PCDHA2: variants seen among roughly 807,000 people sequenced by gnomAD.
The protein encoded by PCDHA2 is protocadherin alpha-2.
A neutral mutation model predicts 66.0 loss-of-function variants in PCDHA2; 58 were observed. The observed-to-expected ratio is 0.88, with a 90% CI of 0.71 to 1.09. The LOEUF is 1.09. Ranked by LOEUF, PCDHA2 falls within the 50% of genes least tolerant of loss-of-function variation. The pLI is 0.00. For missense variants in PCDHA2, 1,267 were observed against 1,242.3 expected (o/e 1.02, Z -0.30); for synonymous variants, 634 against 554.0 (o/e 1.14, Z -2.03).
At chr5:140,819,582 A>G (rs2150104654) in intron 1 of PCDHA2, among the ~76,000 whole-genome samples, 14 of 152,284 alleles carry the variant, frequency 9.2e-5, no homozygotes, top group African/African-American at 2.9e-4. Context: ...AAGATTTTTT[A>G]AAATGTTCTT....
chr5:140,836,333 T>C (rs2150258058), intron 1 of PCDHA2: 3 of 1,613,682 alleles, frequency 1.9e-6, no homozygotes, highest in South Asian at 2.2e-5. Flanking sequence ...TTCTGGTGCT[T>C]GTGAAGGACC....
At chr5:140,803,157 C>A (rs781969076) in intron 1 of PCDHA2, 1 of 1,613,868 alleles carries the variant, frequency 6.2e-7, no homozygotes, top group Non-Finnish European at 8.5e-7. Context: ...GGTGAAGGAC[C>A]ACGGTGAACC....
chr5:140,846,514 A>G (rs1554141354), intron 1 of PCDHA2, among the ~76,000 whole-genome samples: 1 of 147,154 alleles, frequency 6.8e-6, no homozygotes, highest in African/African-American at 2.5e-5. Flanking sequence ...AGCTGGGATT[A>G]CAGGTGCATG....
At chr5:140,993,577 T>A (rs1215999612) in intron 3 of PCDHA2, among the ~76,000 whole-genome samples, 1 of 151,978 alleles carries the variant, frequency 6.6e-6, no homozygotes, top group African/African-American at 2.4e-5. Flanking sequence ...CTAGGGATGC[T>A]TTTCTTGGCT....
intron 1 of PCDHA2, chr5:140,875,462 C>T (rs1333440854): frequency 6.3e-7 from 1 of 1,598,882 alleles, no homozygotes; most frequent in Non-Finnish European, 8.5e-7. Flanking sequence ...CAGAGGCCCT[C>T]ATTTTCTGCA....
At chr5:140,834,306 T>G in intron 1 of PCDHA2, 1 of 1,335,582 alleles carries the variant, frequency 7.5e-7, no homozygotes, top group Non-Finnish European at 1.0e-6. Context: ...ACATCGAGAT[T>G]GAAATGAAGG....
At chr5:140,902,861 G>A (rs782302668) in intron 1 of PCDHA2, among the ~76,000 whole-genome samples, 21 of 152,088 alleles carry the variant, frequency 1.4e-4, no homozygotes, top group Admixed American at 5.2e-4. Context: ...TGGCGTCCAG[G>A]TCCACCCAAG....
At chr5:140,842,829 C>A (rs2150345601) in intron 1 of PCDHA2, 3 of 1,593,748 alleles carry the variant, frequency 1.9e-6, no homozygotes, top group Admixed American at 3.4e-5. Flanking sequence ...GGCGAGCGCT[C>A]GCTGTCGAGC....
In PCDHA2 at chr5:140,795,358, A is replaced by G. The variant is rs1554119393; in HGVS notation, c.394A>G (p.Ile132Val). 1.9e-6 allele frequency: 3 copies of G among 1,614,218 alleles called. No homozygotes were observed. In the East Asian group the frequency reaches 6.7e-5, roughly 36 times the overall value. ...EVKDINDNPP[I>V]FPMTVKTIRF... is the part of the protein sequence containing the mutation. ...GAAGGACATTAACGACAACCCGCCA[A>G]TATTTCCAATGACAGTAAAGACTAT... The change falls in exon 1 of 4, where the codon ATA becomes GTA. Residue 132 changes from isoleucine (I) to valine (V), a missense_variant. Transcript: ENST00000526136.
At chr5:140,921,353 A>G (rs943655623) in intron 1 of PCDHA2, among the ~76,000 whole-genome samples, 5 of 152,160 alleles carry the variant, frequency 3.3e-5, no homozygotes, top group Non-Finnish European at 5.9e-5. Flanking sequence ...ATATTTGCCT[A>G]TATTCAAGTT....
At chr5:140,800,760 A>G (rs1471793592) in intron 1 of PCDHA2, among the ~76,000 whole-genome samples, 5 of 152,260 alleles carry the variant, frequency 3.3e-5, no homozygotes, top group Non-Finnish European at 7.3e-5. Context: ...TCACATGGGA[A>G]ATATTTCCAA....
chr5:140,797,121 T>C lies in PCDHA2; in HGVS notation c.2157T>C (p.Thr719=). 6.2e-7 allele frequency: 1 copy of C among 1,614,020 alleles called. No homozygotes were observed. The highest frequency in any genetic ancestry group is 1.1e-5 in the South Asian group (1 of 91,088). ...TGGTGCTCACGGTGCTGCTGTACAC[T>C]GCGCTGCGGTGCTCGGTGCCACCCA... ...SLLVLTVLLY[T]ALRCSVPPTE... The change falls in exon 1 of 4, where the codon ACT becomes ACC. Residue 719 remains threonine, a synonymous_variant. Transcript: ENST00000526136.
At chr5:140,965,951 T>C (rs1484541931) in intron 1 of PCDHA2, among the ~76,000 whole-genome samples, 3 of 152,172 alleles carry the variant, frequency 2.0e-5, no homozygotes, top group East Asian at 1.9e-4. Flanking sequence ...GCATTTGCCA[T>C]CCCCCTCCTT....
At position 140,856,940 on chromosome 5, in the gene PCDHA2, AC is replaced by A. The variant is rs782681005; in HGVS notation, c.2388+59589del. ...AAGGAAATTTTGGATAAACGAAAGGACGGGAGAAATAAAAGTAAATGATGCT... is the reference window on the plus strand; with the variant it reads ...AAGGAAATTTTGGATAAACGAAAGGAGGGAGAAATAAAAGTAAATGATGCT... On this transcript the variant is annotated intron_variant, in intron 1 of 3. Transcript: ENST00000526136. The A allele has an allele frequency of 1.9e-5, 30 of 1,593,712 alleles. No individual in the cohort carries two copies. In the South Asian group the frequency reaches 3.3e-4, roughly 18 times the overall value.
intron 1 of PCDHA2, among the ~76,000 whole-genome samples, chr5:140,820,687 A>G (rs1312592028): frequency 6.6e-6 from 1 of 152,116 alleles, no homozygotes; most frequent in African/African-American, 2.4e-5. Context: ...GGTTAATAAA[A>G]TGATATTCTT....
rs2150111522 is a variant in PCDHA2, at chr5:140,821,876, T to C, written c.2388+24524T>C. 3 of 1,614,184 alleles carry C rather than the reference T, an allele frequency of 1.9e-6. No individual in the cohort carries two copies. In the African/African-American group the frequency reaches 4.0e-5, roughly 22 times the overall value. ...GGGAGCGGCCAGCTCCACTACTCGA[T>C]CCCGGAGGAAGCCAAACACGGAACC... On this transcript the variant is annotated intron_variant, in intron 1 of 3. Coordinates refer to ENST00000526136, the MANE Select transcript of PCDHA2 (RefSeq NM_018905.3).
chr5:140,898,147 C>T (rs2066556304), intron 1 of PCDHA2, among the ~76,000 whole-genome samples: 1 of 152,150 alleles, frequency 6.6e-6, no homozygotes, highest in African/African-American at 2.4e-5. Flanking sequence ...GTTGCCTGTT[C>T]ACGCTGATGG....
chr5:140,982,765 C>T (rs1345701735), intron 3 of PCDHA2, among the ~76,000 whole-genome samples: 2 of 151,722 alleles, frequency 1.3e-5, no homozygotes, highest in African/African-American at 2.4e-5. Flanking sequence ...AAAAGGATAA[C>T]AAGGAAAGTG....
intron 1 of PCDHA2, chr5:140,860,323 G>C (rs782283348): frequency 2.6e-5 from 4 of 152,078 alleles, no homozygotes; most frequent in Non-Finnish European, 5.9e-5. Flanking sequence ...TGAGGCTGCA[G>C]TGACCCATGA....
Sources: allele counts gnomAD v4.1 joint callset (sites outside exome capture counted in the v4.1 genomes callset), GRCh38; gene constraint gnomAD v4.1.1; transcripts MANE v1.5; gene names NCBI Gene and HGNC (gene_info 2026-07-23, HGNC 2026-07-21).